The following CUBN variants were observed in gnomAD, a reference collection of about 807,000 sequenced individuals.
The protein encoded by CUBN is cubilin, also known as 460 kDa receptor.
Under a neutral mutation model 405.3 loss-of-function variants are expected in CUBN, and 282 were observed. The ratio of observed to expected loss-of-function variants is 0.70; its 90% CI spans 0.63 to 0.77. CUBN has a LOEUF of 0.77. Among genes scored for constraint, CUBN ranks in the 30% least tolerant of loss-of-function variants. The probability of loss-of-function intolerance (pLI) is 0.00; values close to 1 mark genes in which losing one functional copy is unlikely to be tolerated. For missense variants in CUBN, 4,514 were observed against 4,475.2 expected, an observed-to-expected ratio of 1.01 and a Z score of -0.25; for synonymous variants, 1,684 against 1,617.0, an observed-to-expected ratio of 1.04 and a Z score of -0.99.
chr10:16,902,070 T>TAC (rs1178016976), intron 51 of CUBN, among the ~76,000 whole-genome samples: 5 of 135,814 alleles, frequency 3.7e-5, no homozygotes, highest in African/African-American at 1.4e-4. Flanking sequence ...GGTATATATA[T>TAC]ACACACACAC....
At chr10:16,862,160 T>TCTCTCTCTCACACACACA (rs144560387) in intron 59 of CUBN, among the ~76,000 whole-genome samples, 62 of 131,204 alleles carry the variant, frequency 4.7e-4, no homozygotes, top group African/African-American at 1.8e-3. Flanking sequence ...TCTCTCTCTC[T>TCTCTCTCTCACACACACA]CACACACACA....
chr10:16,984,268 G>T lies in CUBN; in HGVS notation c.4362C>A (p.Gly1454=), dbSNP rs749460842. 3.7e-6 allele frequency: 6 copies of T among 1,614,074 alleles called. No homozygotes were observed. The South Asian group carries it at 6.6e-5, about 18-fold the overall frequency. The change falls in exon 30 of 67, where the codon GGC becomes GGA. Residue 1454 remains glycine, a synonymous_variant. Coordinates refer to ENST00000377833, the MANE Select transcript of CUBN (RefSeq NM_001081.4). ...CNFDVLEIYG[G]PDFHSPRIAQ... ...CTATTCTGGGAGAGTGGAAATCGGG[G>T]CCTCCATAGATCTAACATGGGATGT...
intron 43 of CUBN, among the ~76,000 whole-genome samples, chr10:16,921,961 G>A (rs1842046594): frequency 6.6e-6 from 1 of 152,098 alleles, no homozygotes; most frequent in Non-Finnish European, 1.5e-5. Context: ...GTCATCCAGA[G>A]CTCCATACCT....
chr10:16,904,058 G>GTTATATAA lies in CUBN; in HGVS notation c.7969_7970insTTATATAA (p.Pro2657LeufsTer3), dbSNP rs752469007. On this transcript the variant is annotated stop_gained and frameshift_variant, in exon 51 of 67. Coordinates refer to ENST00000377833, the MANE Select transcript of CUBN (RefSeq NM_001081.4). LOFTEE classifies it high-confidence loss of function. The stretch of plus-strand genomic sequence containing the variant: ...TACCTGAGAATAAGGTATAACCAAT[G>GTTATATAA]GCAATGTAGGCTTTGAAGGACCACA... 255 of 1,613,678 alleles carry GTTATATAA rather than the reference G, an allele frequency of 1.6e-4. No homozygotes were observed. The highest frequency in any genetic ancestry group is 3.7e-4 in the Admixed American group (22 of 59,996).
At chr10:16,855,742 T>C (rs891852587) in intron 59 of CUBN, among the ~76,000 whole-genome samples, 3 of 152,258 alleles carry the variant, frequency 2.0e-5, no homozygotes, top group African/African-American at 7.2e-5. Context: ...ATAGAGCTCA[T>C]TGTTCAATTC....
chr10:16,893,589 A>C (rs954920195), intron 54 of CUBN, among the ~76,000 whole-genome samples: 3 of 152,128 alleles, frequency 2.0e-5, no homozygotes, highest in African/African-American at 4.8e-5. Context: ...AAACACTATC[A>C]TTTCAAAATA....
chr10:17,068,076 G>A lies in CUBN; in HGVS notation c.2996C>T (p.Thr999Ile), dbSNP rs1835652519. ...YLEVYDTDSE[T>I]SLGRYCGKSI... ...AACATAACCTTACCTTCCAAGGGAT[G>A]TCTCAGAGTCGGTGTCATAAACTTC... Residue 999 changes from threonine to isoleucine, a missense_variant, in exon 21 of 67, where the codon ACA (threonine) becomes ATA (isoleucine). Physicochemically the swap from Thr to Ile is moderately conservative, Grantham distance 89. This residue lies in a region of CUBN where 1,448 missense variants were observed against 1,388.0 expected (regional missense o/e 1.04). Coordinates refer to ENST00000377833, the MANE Select transcript of CUBN (RefSeq NM_001081.4). 3.1e-6 allele frequency: 5 copies of A among 1,610,740 alleles called. No individual in the cohort carries two copies. The highest frequency in any genetic ancestry group is 4.2e-6 in the Non-Finnish European group (5 of 1,177,072).
intron 34 of CUBN, among the ~76,000 whole-genome samples, chr10:16,949,187 C>T (rs1338016296): frequency 6.6e-6 from 1 of 152,174 alleles, no homozygotes; most frequent in African/African-American, 2.4e-5. Flanking sequence ...TATGTAACAG[C>T]TTGTTAAATA....
At position 16,900,664 on chromosome 10, in the gene CUBN, C is replaced by A; in HGVS notation, c.8371G>T (p.Gly2791Cys). 1 of 1,614,134 alleles carries A rather than the reference C, an allele frequency of 6.2e-7. No homozygotes were observed. Among genetic ancestry groups the A allele is most frequent in the Non-Finnish European group, 8.5e-7 (1 of 1,179,972 alleles). The change falls in exon 53 of 67, where the codon GGT (glycine) becomes TGT (cysteine). Residue 2791 changes from glycine (G) to cysteine (C), a missense_variant. This residue lies in a region of CUBN where 1,186 missense variants were observed against 1,186.9 expected (regional missense o/e 1.00). Coordinates refer to ENST00000377833, the MANE Select transcript of CUBN (RefSeq NM_001081.4). ...VTFNSDHSLQ[G>C]GGFYATWNTQ... is the part of the protein sequence containing the mutation. ...TTCCACGTAGCATAAAATCCACCACCTTGCAATGAATGGTCTGAGTTAAAA... is the reference window on the plus strand; with the variant it reads ...TTCCACGTAGCATAAAATCCACCACATTGCAATGAATGGTCTGAGTTAAAA...
Position 17,068,730 on chromosome 10 carries a change from T to C in CUBN, c.2666A>G (p.Lys889Arg). The change falls in exon 20 of 67, where the codon AAG becomes AGG. Residue 889 changes from lysine (K) to arginine (R), a missense_variant. Transcript: ENST00000377833. ...SSILGSPENK[K>R]YCGTDIPSFI... The stretch of plus-strand genomic sequence containing the variant: ...TGAAGGTATGTCTGTACCGCAATAC[T>C]TTTTATTTTCAGGAGAACCCAAAAT... 6.2e-7 allele frequency: 1 copy of C among 1,612,592 alleles called. No homozygotes were observed. The highest frequency in any genetic ancestry group is 2.2e-5 in the East Asian group (1 of 44,794).
Position 16,918,633 on chromosome 10 carries a change from T to G in CUBN, c.6989A>C (p.Lys2330Thr). The change falls in exon 45 of 67, where the codon AAG (lysine) becomes ACG (threonine). Residue 2330 changes from lysine to threonine, a missense_variant. Transcript: ENST00000377833. ...NSPTHVGFKA[K>T]YSIAQCGGRV... Reference sequence around the variant, plus strand: ...AAAAAAATTATTACCTATAGAATACTTGGCCTTGAATCCCACATGTGTGGG... The same window carrying G: ...AAAAAAATTATTACCTATAGAATACGTGGCCTTGAATCCCACATGTGTGGG... 6.2e-7 allele frequency: 1 copy of G among 1,613,504 alleles called. No homozygotes were observed. Among genetic ancestry groups the G allele is most frequent in the Non-Finnish European group, 8.5e-7 (1 of 1,179,544 alleles).
intron 31 of CUBN, among the ~76,000 whole-genome samples, chr10:16,972,137 A>C (rs752735138): frequency 2.2e-4 from 34 of 152,062 alleles, no homozygotes; most frequent in Non-Finnish European, 4.0e-4. Context: ...CCAAGCACTC[A>C]GCGCACCTCC....
rs1276708 is a variant in CUBN at position 16,947,254 on chromosome 10, G to A, written c.5323C>T (p.Arg1775Trp). 378 of 1,613,970 alleles carry A rather than the reference G, an allele frequency of 2.3e-4. No individual in the cohort carries two copies. The highest frequency in any genetic ancestry group is 3.0e-4 in the Non-Finnish European group (357 of 1,179,970). ...VWNIVSSPGN[R>W]LQLSFISFQL... ...ATTTACATAAAAGACAGCTGGAGCC[G>A]GTTGCCAGGGGAACTGACGATGTTC... The change falls in exon 36 of 67, where the codon CGG becomes TGG. Residue 1775 changes from arginine to tryptophan, a missense_variant. Physicochemically the swap from Arg to Trp is moderately radical, Grantham distance 101. Around this residue, in one of 5 missense-constraint regions of CUBN, gnomAD observed 1,613 missense variants for 1,542.8 expected, o/e 1.05. Coordinates refer to ENST00000377833, the MANE Select transcript of CUBN (RefSeq NM_001081.4).
Position 17,085,629 on chromosome 10 carries a change from T to G in CUBN, c.2078A>C (p.Gln693Pro), listed in dbSNP as rs755342454. The change falls in exon 16 of 67, where the codon CAA becomes CCA. Residue 693 changes from glutamine (Q) to proline (P), a missense_variant. This residue lies in a region of CUBN where 1,448 missense variants were observed against 1,388.0 expected (regional missense o/e 1.04). Transcript: ENST00000377833. ...HFHSDSQISD[Q>P]GFHITYLTSP... ...TGTTAAGTAGGTGATATGGAAGCCT[T>G]GGTCACTAATCTGGGAGTCTGAATG... 4 of 1,614,144 alleles carry G rather than the reference T, an allele frequency of 2.5e-6. No homozygotes were observed.
Position 16,990,367 on chromosome 10 carries a change from C to G in CUBN, c.4317G>C (p.Glu1439Asp), listed in dbSNP as rs972768190. Residue 1439 changes from glutamate to aspartate, a missense_variant, in exon 29 of 67, where the codon GAG (glutamate) becomes GAC (aspartate). Physicochemically the swap from Glu to Asp is conservative, Grantham distance 45. Coordinates refer to ENST00000377833, the MANE Select transcript of CUBN (RefSeq NM_001081.4). ...CATCAAAGTTGCACCTTGAATGATA[C>G]TCCACATCGAAGTCATGGATGGTGA... ...IQLTIHDFDV[E>D]YHSRCNFDVL... The G allele has an allele frequency of 6.2e-7, 1 of 1,614,214 alleles. No individual in the cohort carries two copies. Among genetic ancestry groups the G allele is most frequent in the Non-Finnish European group, 8.5e-7 (1 of 1,180,034 alleles).
At chr10:16,972,203 G>T (rs2932909) in intron 31 of CUBN, among the ~76,000 whole-genome samples, 1 of 151,934 alleles carries the variant, frequency 6.6e-6, no homozygotes, top group Non-Finnish European at 1.5e-5. Flanking sequence ...TGTTTCCCCA[G>T]GAGTTGGCTT....
intron 59 of CUBN, among the ~76,000 whole-genome samples, chr10:16,867,890 T>C (rs577641007): frequency 9.2e-5 from 14 of 152,254 alleles, no homozygotes; most frequent in African/African-American, 2.9e-4. Flanking sequence ...ATGCAGATGA[T>C]AGCAGTGAGG....
intron 28 of CUBN, among the ~76,000 whole-genome samples, chr10:16,993,655 TTC>T (rs911112903): frequency 2.0e-5 from 3 of 151,884 alleles, no homozygotes; most frequent in Admixed American, 6.6e-5. Context: ...AAAGAAAAAT[TTC>T]TTTTTCTTTT....
chr10:16,949,434 GGTGT>G lies in CUBN; in HGVS notation c.5080+563_5080+566del, dbSNP rs59878960. Among the ~76,000 whole-genome samples, 857 of 108,844 alleles carry G rather than the reference GGTGT, an allele frequency of 7.9e-3. 1 individual carries two copies. Among genetic ancestry groups the G allele is most frequent in the Non-Finnish European group, 0.013 (625 of 49,596 alleles). The allele number at this position is 108,844 out of a possible 152,430, so 71.4% of individuals were successfully genotyped here. A position where few individuals can be genotyped will look rare whatever the true frequency, so the allele number is the denominator to read the frequency against. On this transcript the variant is annotated intron_variant, in intron 34 of 66. Coordinates refer to ENST00000377833, the MANE Select transcript of CUBN (RefSeq NM_001081.4). ...TTTACGGAGAAAGCTTAAATGGCCTGGTGTGTGTGTGTGTGTGTGTGTGTGTGTG... is the reference window on the plus strand; with the variant it reads ...TTTACGGAGAAAGCTTAAATGGCCTGGTGTGTGTGTGTGTGTGTGTGTGTG...
Sources: gnomAD v4.1 joint callset for allele counts (sites outside exome capture counted in the v4.1 genomes callset) on GRCh38, gnomAD v4.1.1 for gene constraint, gnomAD v4.1.1 regional missense constraint, MANE v1.5 for transcripts, NCBI Gene and HGNC (gene_info 2026-07-23, HGNC 2026-07-21) for gene names.